Variants in CCDC150 observed in about 807,000 individuals in gnomAD.
The protein encoded by CCDC150 is coiled-coil domain containing 150, also known as coiled-coil domain-containing protein 150.
In CCDC150, 151 loss-of-function variants were observed where a neutral mutation model predicts 156.5. The ratio of observed to expected loss-of-function variants is 0.97; its 90% CI spans 0.85 to 1.10. The LOEUF is 1.10. Ranked by LOEUF, CCDC150 falls within the 50% of genes least tolerant of loss-of-function variation. The pLI, the probability that CCDC150 is intolerant of heterozygous loss-of-function variation, is 0.00. For missense variants in CCDC150, 1,312 were observed against 1,268.1 expected, an observed-to-expected ratio of 1.03 and a Z score of -0.53; for synonymous variants, 452 against 429.4, an observed-to-expected ratio of 1.05 and a Z score of -0.65.
At chr2:196,709,435 G>T (rs2125684673) in intron 15 of CCDC150, among the ~76,000 whole-genome samples, 1 of 152,176 alleles carries the variant, frequency 6.6e-6, no homozygotes, top group Non-Finnish European at 1.5e-5. Context: ...TAGCTTCCTT[G>T]CAATGGGTTC....
intron 2 of CCDC150, among the ~76,000 whole-genome samples, chr2:196,651,432 AG>A (rs1692867435): frequency 6.6e-6 from 1 of 152,180 alleles, no homozygotes; most frequent in Admixed American, 6.6e-5. Context: ...TTCAGCTTGA[AG>A]AACTTTCTTT....
chr2:196,691,160 GT>G (rs1406634881), intron 13 of CCDC150, among the ~76,000 whole-genome samples: 9 of 152,082 alleles, frequency 5.9e-5, no homozygotes, highest in African/African-American at 1.7e-4. Context: ...TTGGCCTGAA[GT>G]TTTCTTTTTT....
chr2:196,690,845 C>T (rs932942177), intron 13 of CCDC150, among the ~76,000 whole-genome samples: 1 of 152,100 alleles, frequency 6.6e-6, no homozygotes, highest in African/African-American at 2.4e-5. Context: ...GTGGGTTTGT[C>T]ATAGATGGCT....
chr2:196,669,058 A>G (rs1694037153), intron 7 of CCDC150, among the ~76,000 whole-genome samples: 2 of 152,204 alleles, frequency 1.3e-5, no homozygotes, highest in Admixed American at 6.5e-5. Flanking sequence ...GGCTACTAGT[A>G]TATAATACCA....
intron 1 of CCDC150, among the ~76,000 whole-genome samples, chr2:196,645,621 T>G (rs1692491252): frequency 6.6e-6 from 1 of 152,236 alleles, no homozygotes; most frequent in Non-Finnish European, 1.5e-5. Flanking sequence ...TAATTCTGCT[T>G]CTGTCACTAA....
chr2:196,674,373 C>A, intron 10 of CCDC150, 25 bp downstream of exon 10: 3 of 1,411,292 alleles, frequency 2.1e-6, no homozygotes, highest in Non-Finnish European at 3.0e-6. Flanking sequence ...TGAAAGCCAA[C>A]CAGAAAGCCA....
intron 13 of CCDC150, among the ~76,000 whole-genome samples, chr2:196,687,854 G>A (rs1695209026): frequency 6.6e-6 from 1 of 152,128 alleles, no homozygotes; most frequent in African/African-American, 2.4e-5. Flanking sequence ...ATTTAACAGG[G>A]AATCCTTTCC....
At chr2:196,714,133 C>T (rs981833002) in intron 17 of CCDC150, among the ~76,000 whole-genome samples, 8 of 152,160 alleles carry the variant, frequency 5.3e-5, no homozygotes, top group East Asian at 1.9e-4. Flanking sequence ...CTACTATTAC[C>T]GGAAGGAGGG....
intron 10 of CCDC150, among the ~76,000 whole-genome samples, chr2:196,675,808 A>G (rs1694460278): frequency 6.6e-6 from 1 of 152,272 alleles, no homozygotes; most frequent in Middle Eastern, 3.4e-3. Flanking sequence ...AAAGTACCAT[A>G]TTGAAATTTT....
chr2:196,712,034 T>TTA, intron 15 of CCDC150, 111 bp from the exon 16 acceptor site: 3 of 351,598 alleles, frequency 8.5e-6, no homozygotes, highest in East Asian at 8.6e-5. Context: ...TTTTTTTTTT[T>TTA]ACAACTCATG....
At chr2:196,675,445 C>CA (rs1192590879) in intron 10 of CCDC150, among the ~76,000 whole-genome samples, 5 of 151,910 alleles carry the variant, frequency 3.3e-5, no homozygotes, top group Non-Finnish European at 7.4e-5. Flanking sequence ...GCTTTGCAAT[C>CA]AAATATTGTT....
At chr2:196,722,859 T>G (rs1259277190) in intron 21 of CCDC150, among the ~76,000 whole-genome samples, 2 of 152,054 alleles carry the variant, frequency 1.3e-5, no homozygotes, top group Non-Finnish European at 2.9e-5. Context: ...CCACTACTGC[T>G]TAAAACAAGC....
intron 27 of CCDC150, 48 bp downstream of exon 27, chr2:196,732,200 C>T (rs1172164857): frequency 1.2e-6 from 2 of 1,604,974 alleles, no homozygotes; most frequent in South Asian, 2.2e-5. Context: ...CTTGTTGCTT[C>T]TCAGATTTCT....
chr2:196,648,774 T>C (rs1383358985), intron 2 of CCDC150, among the ~76,000 whole-genome samples: 2 of 152,178 alleles, frequency 1.3e-5, no homozygotes, highest in Admixed American at 6.5e-5. Flanking sequence ...TCAGGTCTTA[T>C]GTTTTACATC....
At position 196,729,836 on chromosome 2, in the gene CCDC150, A is replaced by C. The variant is rs754226582; in HGVS notation, c.2795A>C (p.Gln932Pro). Residue 932 changes from glutamine (Q) to proline (P), a missense_variant, in exon 24 of 28, where the codon CAA becomes CCA. By Grantham distance (76) the Gln-to-Pro change is moderately conservative. Coordinates refer to ENST00000389175, the MANE Select transcript of CCDC150 (RefSeq NM_001080539.2). ...ELKQMELIKD[Q>P]YQKKNYEQSL... ...AAGCAAATGGAGCTAATTAAGGATC[A>C]ATATCAGAAAAAGAACTATGAACAG... 6.3e-7 allele frequency: 1 copy of C among 1,596,722 alleles called. No homozygotes were observed. The highest frequency in any genetic ancestry group is 2.2e-5 in the East Asian group (1 of 44,790).
chr2:196,710,207 G>A (rs1697002835), intron 15 of CCDC150, among the ~76,000 whole-genome samples: 1 of 152,248 alleles, frequency 6.6e-6, no homozygotes, highest in Non-Finnish European at 1.5e-5. Flanking sequence ...ACCTACTCAA[G>A]CCTCAGCAAT....
Position 196,721,648 on chromosome 2 carries a change from T to C in CCDC150, c.2386T>C (p.Leu796=). 5 of 1,603,580 alleles carry C rather than the reference T, an allele frequency of 3.1e-6. No homozygotes were observed. The highest frequency in any genetic ancestry group is 4.5e-5 in the East Asian group (2 of 44,584). ...AAAGCTAGATCACATTCAAGAGCAATTGGAAAGCAAAGAACTTGAGCGACA... is the reference window on the plus strand; with the variant it reads ...AAAGCTAGATCACATTCAAGAGCAACTGGAAAGCAAAGAACTTGAGCGACA... ...QTKLDHIQEQ[L]ESKELERQNL... Residue 796 remains leucine, a synonymous_variant, in exon 21 of 28, where the codon TTG becomes CTG. Transcript: ENST00000389175.
chr2:196,661,802 G>C (rs900684732), intron 5 of CCDC150, among the ~76,000 whole-genome samples: 2 of 152,094 alleles, frequency 1.3e-5, no homozygotes, highest in Admixed American at 1.3e-4. Flanking sequence ...ATGTACTTTT[G>C]TACGGCACAT....
At chr2:196,704,459 G>A (rs933594000) in intron 15 of CCDC150, among the ~76,000 whole-genome samples, 1 of 152,104 alleles carries the variant, frequency 6.6e-6, no homozygotes, top group Non-Finnish European at 1.5e-5. Flanking sequence ...CTTAGGAGTA[G>A]AATTACTGGG....
Sources: gnomAD v4.1 joint callset for allele counts (sites outside exome capture counted in the v4.1 genomes callset) on GRCh38, gnomAD v4.1.1 for gene constraint, MANE v1.5 for transcripts, NCBI Gene and HGNC (gene_info 2026-07-23, HGNC 2026-07-21) for gene names.